The following C3orf22 variants were observed in gnomAD, a reference collection of about 807,000 sequenced individuals.
C3orf22 encodes the protein uncharacterized protein C3orf22.
Under a neutral mutation model 10.8 loss-of-function variants are expected in C3orf22, and 7 were observed. The observed-to-expected ratio is 0.65, with a 90% CI of 0.37 to 1.22. The LOEUF (loss-of-function observed/expected upper bound fraction) is 1.22, where lower values mean the gene tolerates loss of function less well. Ranked by LOEUF, C3orf22 falls within the 50% of genes most tolerant of loss-of-function variation. The probability of loss-of-function intolerance (pLI) is 0.02; values close to 1 mark genes in which losing one functional copy is unlikely to be tolerated. For missense variants in C3orf22, 173 were observed against 177.0 expected (o/e 0.98, Z 0.13); for synonymous variants, 79 against 78.9 (o/e 1.00, Z 0.00).
intron 3 of C3orf22, 49 bp from the exon 4 acceptor site, chr3:126,550,127 C>T (rs1937149221): frequency 6.2e-7 from 1 of 1,602,836 alleles, no homozygotes. Context: ...CCCCTGCTGG[C>T]TGCAGCCATT....
At chr3:126,534,046 T>C (rs780710598) in intron 4 of C3orf22, among the ~76,000 whole-genome samples, 16 of 152,234 alleles carry the variant, frequency 1.1e-4, no homozygotes, top group Non-Finnish European at 2.2e-4. Flanking sequence ...TTCTTGTTTC[T>C]TTAAGGTCAG....
intron 2 of C3orf22, among the ~76,000 whole-genome samples, chr3:126,553,021 G>A (rs886293706): frequency 6.6e-6 from 1 of 152,348 alleles, no homozygotes; most frequent in African/African-American, 2.4e-5. Flanking sequence ...AGGGGCAGTC[G>A]TCTGTGGCCA....
At chr3:126,531,219 G>C (rs1342059896) in intron 4 of C3orf22, among the ~76,000 whole-genome samples, 1 of 152,242 alleles carries the variant, frequency 6.6e-6, no homozygotes, top group South Asian at 2.1e-4. Flanking sequence ...CAACCTACTG[G>C]ACCAGAAACT....
chr3:126,536,113 A>G (rs1936784627), intron 4 of C3orf22, among the ~76,000 whole-genome samples: 2 of 152,112 alleles, frequency 1.3e-5, no homozygotes, highest in Non-Finnish European at 2.9e-5. Context: ...ACCCCCTGCC[A>G]TCCCCCACTC....
intron 4 of C3orf22, among the ~76,000 whole-genome samples, chr3:126,540,678 C>A (rs1482754507): frequency 1.3e-5 from 2 of 152,206 alleles, no homozygotes; most frequent in Non-Finnish European, 2.9e-5. Context: ...GTGCTATGAA[C>A]TTCATGGACA....
downstream of C3orf22, among the ~76,000 whole-genome samples, chr3:126,547,763 T>G (rs115472779): frequency 7.6e-3 from 1,146 of 151,326 alleles, 7 homozygotes; most frequent in Admixed American, 0.014. Context: ...AACCAGCAAA[T>G]CCTATCATGG....
intron 4 of C3orf22, among the ~76,000 whole-genome samples, chr3:126,540,095 G>A (rs865976929): frequency 3.3e-5 from 5 of 150,166 alleles, no homozygotes; most frequent in South Asian, 2.1e-4. Context: ...CACCACACAC[G>A]CACAGGACAC....
chr3:126,535,945 G>A (rs1936780350), intron 4 of C3orf22, among the ~76,000 whole-genome samples: 1 of 152,240 alleles, frequency 6.6e-6, no homozygotes. Context: ...ATGGCAGTGG[G>A]TGAGTTTGGG....
intron 4 of C3orf22, among the ~76,000 whole-genome samples, chr3:126,530,180 G>A (rs1936624281): frequency 6.6e-6 from 1 of 152,244 alleles, no homozygotes; most frequent in South Asian, 2.1e-4. Flanking sequence ...AGGCTCCTCG[G>A]GGCAGGGTGG....
At chr3:126,556,009 A>G (rs1026873858) in intron 1 of C3orf22, among the ~76,000 whole-genome samples, 1 of 152,080 alleles carries the variant, frequency 6.6e-6, no homozygotes, top group Non-Finnish European at 1.5e-5. Flanking sequence ...CCTCCACACC[A>G]CACCCTGTCC....
In C3orf22 at chr3:126,551,990, G is replaced by T; in HGVS notation, c.215+7C>A. 6.2e-7 allele frequency: 1 copy of T among 1,607,226 alleles called. No homozygotes were observed. The highest frequency in any genetic ancestry group is 8.5e-7 in the Non-Finnish European group (1 of 1,176,104). On this transcript the variant is annotated splice_region_variant and intron_variant, in intron 3 of 3. Transcript: ENST00000318225. ...GTGGGGGTGGTGGCATCAGGGCAGGGACTTACCCTCGGACTGGGATGGACC... is the reference window on the plus strand; with the variant it reads ...GTGGGGGTGGTGGCATCAGGGCAGGTACTTACCCTCGGACTGGGATGGACC...
At chr3:126,556,717 G>A (rs1937341609) in intron 1 of C3orf22, among the ~76,000 whole-genome samples, 1 of 145,538 alleles carries the variant, frequency 6.9e-6, no homozygotes, top group Non-Finnish European at 1.5e-5. Flanking sequence ...CACACAGACT[G>A]ACCCCACACA....
At chr3:126,542,761 C>A in intron 4 of C3orf22, 1 of 887,834 alleles carries the variant, frequency 1.1e-6, no homozygotes, top group Non-Finnish European at 1.5e-6. Flanking sequence ...CTCAGGTGGC[C>A]CTGCACGCGT....
At chr3:126,532,849 T>G (rs1441742298) in intron 4 of C3orf22, among the ~76,000 whole-genome samples, 1 of 152,196 alleles carries the variant, frequency 6.6e-6, no homozygotes. Context: ...TGTAGATGAC[T>G]TTGGGGAGTA....
chr3:126,553,650 G>A (rs1021736251), intron 1 of C3orf22, among the ~76,000 whole-genome samples: 1 of 152,244 alleles, frequency 6.6e-6, no homozygotes, highest in Non-Finnish European at 1.5e-5. Flanking sequence ...GCTCTCTCAC[G>A]CTTACCCCTC....
chr3:126,547,276 A>G (rs1426978791), downstream of C3orf22, among the ~76,000 whole-genome samples: 2 of 152,138 alleles, frequency 1.3e-5, no homozygotes, highest in Non-Finnish European at 2.9e-5. Context: ...GTGCTTAGAG[A>G]GTATTGCTGC....
Position 126,549,728 on chromosome 3 carries a change from C to T in C3orf22, c.*140G>A. ...CTCGCAGTTTATTAGCTTGGTGTAG[C>T]TTTTTGGGGGGACCACAAACCACTC... On this transcript the variant is annotated 3_prime_UTR_variant, in exon 4 of 4. Transcript: ENST00000318225. 6.6e-7 allele frequency: 1 copy of T among 1,514,302 alleles called. No individual in the cohort carries two copies. Among genetic ancestry groups the T allele is most frequent in the Non-Finnish European group, 8.8e-7 (1 of 1,133,372 alleles). 93.8% of individuals were successfully genotyped at this position (1,514,302 alleles called of 1,614,324 possible).
chr3:126,546,871 C>T (rs542767620), downstream of C3orf22, among the ~76,000 whole-genome samples: 3 of 152,362 alleles, frequency 2.0e-5, no homozygotes, highest in South Asian at 6.2e-4. Context: ...ACTACTCACA[C>T]TCCATCCTTG....
At chr3:126,550,938 C>T (rs918597270) in intron 3 of C3orf22, among the ~76,000 whole-genome samples, 1 of 152,190 alleles carries the variant, frequency 6.6e-6, no homozygotes, top group African/African-American at 2.4e-5. Flanking sequence ...GAATCTGAGA[C>T]CAGGAACATC....
Sources: gnomAD v4.1 joint callset for allele counts (sites outside exome capture counted in the v4.1 genomes callset) on GRCh38, gnomAD v4.1.1 for gene constraint, MANE v1.5 for transcripts, NCBI Gene and HGNC (gene_info 2026-07-23, HGNC 2026-07-21) for gene names.